Variants in ASB13 observed in about 807,000 individuals in gnomAD.
ASB13 encodes the protein ankyrin repeat and SOCS box containing 13, also known as ankyrin repeat and SOCS box protein 13.
ASB13 carries 33 observed loss-of-function variants against 28.8 expected under a neutral mutation model. The ratio of observed to expected loss-of-function variants is 1.15; its 90% CI spans 0.87 to 1.53. The LOEUF is 1.53. ASB13 is among the 40% of genes most tolerant of loss of function. ASB13 has a pLI of 0.00. For missense variants in ASB13, 414 were observed against 390.1 expected (o/e 1.06, Z -0.52); for synonymous variants, 182 against 172.9 (o/e 1.05, Z -0.41).
chr10:5,659,681 C>T lies in ASB13; in HGVS notation c.44-6631G>A, dbSNP rs1835129280. Among the ~76,000 whole-genome samples, 1 of 151,998 alleles carries T rather than the reference C, an allele frequency of 6.6e-6. No individual in the cohort carries two copies. The highest frequency in any genetic ancestry group is 6.5e-5 in the Admixed American group (1 of 15,270). ...CCCACCCCCCCACGCCATCTCCACA[C>T]TATTGCCCCACCACCAGCTGATCAG... On this transcript the variant is annotated intron_variant, in intron 1 of 5. Transcript: ENST00000357700. The surrounding 1 kb of genome is among the most constrained non-coding windows in gnomAD (Gnocchi z 5.8).
At position 5,640,825 on chromosome 10, in the gene ASB13, G is replaced by A. The variant is rs1196045497; in HGVS notation, c.715C>T (p.Pro239Ser). Residue 239 changes from proline (P) to serine (S), a missense_variant, in exon 6 of 6, where the codon CCT becomes TCT. Physicochemically the swap from Pro to Ser is moderately conservative, Grantham distance 74. Coordinates refer to ENST00000357700, the MANE Select transcript of ASB13 (RefSeq NM_024701.4). ...CTGCAGAGCTGTGACAGAGTCAGAG[G>A]TGTCTCTGAAAAAGGGAGCAAGGAA... is the stretch of plus-strand genomic sequence containing the variant. Reference protein sequence around the residue: ...AKCFEYYEKTPLTLSQLCRVN... With the variant: ...AKCFEYYEKTSLTLSQLCRVN... 1.2e-6 allele frequency: 2 copies of A among 1,614,000 alleles called. No homozygotes were observed. The highest frequency in any genetic ancestry group is 1.6e-4 in the Middle Eastern group (1 of 6,062).
Position 5,642,241 on chromosome 10 carries a change from T to C in ASB13, c.518-280A>G, listed in dbSNP as rs1378248885. Among the ~76,000 whole-genome samples the C allele has an allele frequency of 6.6e-6, 1 of 152,174 alleles. No individual in the cohort carries two copies. The highest frequency in any genetic ancestry group is 1.5e-5 in the Non-Finnish European group (1 of 68,032). On this transcript the variant is annotated intron_variant, in intron 4 of 5. Coordinates refer to ENST00000357700, the MANE Select transcript of ASB13 (RefSeq NM_024701.4). This position sits in a 1 kb window ranked among gnomAD's most constrained non-coding sequence, Gnocchi z 4.1. ...AAGAAAAATAAAACGAAAAATGTCC[T>C]GAGTTAAACAACCGTTCTAATGCCC...
rs1222475218 is a variant in ASB13, at chr10:5,655,491, C to T, written c.44-2441G>A. 6.6e-6 allele frequency among the ~76,000 whole-genome samples: 1 copy of T among 152,208 alleles called. No homozygotes were observed. Among genetic ancestry groups the T allele is most frequent in the African/African-American group, 2.4e-5 (1 of 41,448 alleles). ...ACACTGTCTGTTTGTAGTATTTTTG[C>T]CTCCAATTGTAGCTATCTGTCTTGT... On this transcript the variant is annotated intron_variant, in intron 1 of 5. Transcript: ENST00000357700. This position sits in a 1 kb window ranked among gnomAD's most constrained non-coding sequence, Gnocchi z 6.2.
chr10:5,642,424 G>C lies in ASB13; in HGVS notation c.518-463C>G. 1.1e-6 allele frequency: 1 copy of C among 942,646 alleles called. No homozygotes were observed. The allele number at this position is 942,646 out of a possible 1,614,324, so 58.4% of individuals were successfully genotyped here. A position where few individuals can be genotyped will look rare whatever the true frequency, so the allele number is the denominator to read the frequency against. ...ATACTGGTTGAATGAAAGAATAAAT[G>C]TTCCTTAACAATGCATATTCTTTTA... On this transcript the variant is annotated intron_variant, in intron 4 of 5. Coordinates refer to ENST00000357700, the MANE Select transcript of ASB13 (RefSeq NM_024701.4). The surrounding 1 kb of genome is among the most constrained non-coding windows in gnomAD (Gnocchi z 4.1).
chr10:5,646,870 A>G (rs1423610118), intron 4 of ASB13, among the ~76,000 whole-genome samples: 6 of 152,214 alleles, frequency 3.9e-5, no homozygotes, highest in Non-Finnish European at 7.3e-5. Flanking sequence ...TGTTCATAGA[A>G]ACGGATCCAG....
At chr10:5,666,208 C>T (rs1214842336) in intron 1 of ASB13, among the ~76,000 whole-genome samples, 2 of 152,248 alleles carry the variant, frequency 1.3e-5, no homozygotes, top group African/African-American at 2.4e-5. Context: ...CCCGCACCTT[C>T]CCCAGGGCGC....
chr10:5,641,717 G>A lies in ASB13; in HGVS notation c.709+53C>T. 6.6e-7 allele frequency: 1 copy of A among 1,510,022 alleles called. No homozygotes were observed. The highest frequency in any genetic ancestry group is 2.3e-4 in the Middle Eastern group (1 of 4,334). The allele number at this position is 1,510,022 out of a possible 1,614,324, so 93.5% of individuals were successfully genotyped here. A position where few individuals can be genotyped will look rare whatever the true frequency, so the allele number is the denominator to read the frequency against. On this transcript the variant is annotated intron_variant, in intron 5 of 5. Coordinates refer to ENST00000357700, the MANE Select transcript of ASB13 (RefSeq NM_024701.4). The surrounding 1 kb of genome is among the most constrained non-coding windows in gnomAD (Gnocchi z 8.4). ...AGCCCACAGGGAGCCGGCACGTCAGGGGTCCAGGCTGAAGGCTGGAGGGGA... is the reference window on the plus strand; with the variant it reads ...AGCCCACAGGGAGCCGGCACGTCAGAGGTCCAGGCTGAAGGCTGGAGGGGA...
Position 5,651,275 on chromosome 10 carries a change from T to A in ASB13, c.320A>T (p.Tyr107Phe), listed in dbSNP as rs777518625. ...CAGGGGAGGGTTGACCTTGGCCCCG[T>A]AGGACAGCAAGAGCTTCACACACTC... ...SIECVKLLLS[Y>F]GAKVNPPLYT... Residue 107 changes from tyrosine (Y) to phenylalanine (F), a missense_variant, in exon 3 of 6, where the codon TAC (tyrosine) becomes TTC (phenylalanine). Transcript: ENST00000357700. This position sits in a 1 kb window ranked among gnomAD's most constrained non-coding sequence, Gnocchi z 5.1. 1 of 1,613,990 alleles carries A rather than the reference T, an allele frequency of 6.2e-7. No individual in the cohort carries two copies. The highest frequency in any genetic ancestry group is 8.5e-7 in the Non-Finnish European group (1 of 1,179,968).
chr10:5,656,938 T>G lies in ASB13; in HGVS notation c.44-3888A>C. ...CACTTTAGACACTTATCTACCATCT[T>G]CCTGGTTTGCTGGCTCTCCAGATAA... is the stretch of plus-strand genomic sequence containing the variant. On this transcript the variant is annotated intron_variant, in intron 1 of 5. Coordinates refer to ENST00000357700, the MANE Select transcript of ASB13 (RefSeq NM_024701.4). The surrounding 1 kb of genome is among the most constrained non-coding windows in gnomAD (Gnocchi z 4.3). Among the ~76,000 whole-genome samples the G allele has an allele frequency of 6.6e-6, 1 of 152,210 alleles. No individual in the cohort carries two copies. Among genetic ancestry groups the G allele is most frequent in the East Asian group, 1.9e-4 (1 of 5,204 alleles).
At chr10:5,653,743 G>C (rs1407797751) in intron 1 of ASB13, among the ~76,000 whole-genome samples, 1 of 152,114 alleles carries the variant, frequency 6.6e-6, no homozygotes, top group Non-Finnish European at 1.5e-5. Context: ...GTGCAATGGT[G>C]TGATCTCAGC....
chr10:5,648,550 TCAGGTAAACACCCACG>T (rs1834927995), intron 4 of ASB13, among the ~76,000 whole-genome samples: 1 of 112,930 alleles, frequency 8.9e-6, no homozygotes, highest in African/African-American at 3.5e-5. Context: ...AAACACCCAC[TCAGGTAAACACCCACG>T]CAGGCAAACA....
In ASB13 at chr10:5,661,697, C is replaced by T. The variant is rs1451063359; in HGVS notation, c.43+4812G>A. Among the ~76,000 whole-genome samples, 6 of 152,098 alleles carry T rather than the reference C, an allele frequency of 3.9e-5. No homozygotes were observed. Among genetic ancestry groups the T allele is most frequent in the African/African-American group, 1.4e-4 (6 of 41,404 alleles). ...TATTTTCTGTAGAGACAGGGTTTCA[C>T]CATGTTGCCCAGGCTGGTCTCAAAC... On this transcript the variant is annotated intron_variant, in intron 1 of 5. Transcript: ENST00000357700. This position sits in a 1 kb window ranked among gnomAD's most constrained non-coding sequence, Gnocchi z 4.9.
Position 5,649,217 on chromosome 10 carries a change from C to G in ASB13, c.383-113G>C. ...CCATCCTTGGTGCAGGGCAGGGAAG[C>G]CAGGCAGGCCTGCGTCCCAACCTAG... On this transcript the variant is annotated intron_variant, in intron 3 of 5. Transcript: ENST00000357700. This position sits in a 1 kb window ranked among gnomAD's most constrained non-coding sequence, Gnocchi z 6.4. 6.8e-7 allele frequency: 1 copy of G among 1,460,948 alleles called. No individual in the cohort carries two copies. 90.5% of individuals were successfully genotyped at this position (1,460,948 alleles called of 1,614,324 possible).
Position 5,641,955 on chromosome 10 carries a change from T to A in ASB13, c.524A>T (p.Asn175Ile), listed in dbSNP as rs909250968. The A allele has an allele frequency of 1.9e-6, 3 of 1,602,454 alleles. 1 individual carries two copies. Among genetic ancestry groups the A allele is most frequent in the Admixed American group, 3.3e-5 (2 of 59,846 alleles). The change falls in exon 5 of 6, where the codon AAC (asparagine) becomes ATC (isoleucine). Residue 175 changes from asparagine to isoleucine, a missense_variant. Transcript: ENST00000357700. The surrounding 1 kb of genome is among the most constrained non-coding windows in gnomAD (Gnocchi z 8.4). The part of the protein sequence containing the change: ...CVKVLLNAGA[N>I]VNAAKLHETA... Reference sequence around the variant, plus strand: ...CTCATGAAGCTTTGCCGCATTCACGTTGGCCCCTGGAGGTCAAGAGTGCAG... The same window carrying A: ...CTCATGAAGCTTTGCCGCATTCACGATGGCCCCTGGAGGTCAAGAGTGCAG...
In ASB13 at chr10:5,666,536, C is replaced by T; in HGVS notation, c.16G>A (p.Ala6Thr). MEPRA[A>T]DGCFLGDVGF... Reference sequence around the variant, plus strand: ...ACGTCGCCCAGGAAGCAGCCGTCCGCCGCCCGGGGCTCCATGCGGCTCACC... The same window carrying T: ...ACGTCGCCCAGGAAGCAGCCGTCCGTCGCCCGGGGCTCCATGCGGCTCACC... The change falls in exon 1 of 6, where the codon GCG becomes ACG. Residue 6 changes from alanine to threonine, a missense_variant. Physicochemically the swap from Ala to Thr is moderately conservative, Grantham distance 58 (BLOSUM62 0). Coordinates refer to ENST00000357700, the MANE Select transcript of ASB13 (RefSeq NM_024701.4). The T allele has an allele frequency of 8.0e-7, 1 of 1,245,422 alleles. No individual in the cohort carries two copies. Among genetic ancestry groups the T allele is most frequent in the Non-Finnish European group, 1.0e-6 (1 of 989,558 alleles). 77.1% of individuals were successfully genotyped at this position (1,245,422 alleles called of 1,614,324 possible). A position where few individuals can be genotyped will look rare whatever the true frequency, so the allele number is the denominator to read the frequency against.
intron 1 of ASB13, among the ~76,000 whole-genome samples, chr10:5,654,052 G>A (rs771522862): frequency 6.6e-6 from 1 of 151,638 alleles, no homozygotes; most frequent in Non-Finnish European, 1.5e-5. Context: ...AAAGGGGTGA[G>A]AGCCAACATC....
chr10:5,648,486 T>TCGGGCAAACACCCACG lies in ASB13; in HGVS notation c.517+483_517+484insCGTGGGTGTTTGCCCG, dbSNP rs1564216926. 1.6e-3 allele frequency among the ~76,000 whole-genome samples: 168 copies of TCGGGCAAACACCCACG among 102,924 alleles called. 1 individual carries two copies. The highest frequency in any genetic ancestry group is 2.2e-3 in the Non-Finnish European group (101 of 46,126). The allele number at this position is 102,924 out of a possible 152,430, so 67.5% of individuals were successfully genotyped here. A position where few individuals can be genotyped will look rare whatever the true frequency, so the allele number is the denominator to read the frequency against. On this transcript the variant is annotated intron_variant, in intron 4 of 5. Transcript: ENST00000357700. ...AACACCCACTCAGGTAAACACCCAC[T>TCGGGCAAACACCCACG]CGGGCAAACACCCACTCGGGTAAAC...
intron 1 of ASB13, among the ~76,000 whole-genome samples, chr10:5,662,966 T>C (rs1269276074): frequency 6.6e-6 from 1 of 152,226 alleles, no homozygotes; most frequent in Non-Finnish European, 1.5e-5. Flanking sequence ...TTTTTCTATG[T>C]AGAAACTCCC....
In ASB13 at chr10:5,644,349, C is replaced by T. The variant is rs907309427; in HGVS notation, c.518-2388G>A. On this transcript the variant is annotated intron_variant, in intron 4 of 5. Transcript: ENST00000357700. The surrounding 1 kb of genome is among the most constrained non-coding windows in gnomAD (Gnocchi z 5.1). ...GCTCTACAAAAATTTAAAAATTACC[C>T]GGGGGGCGTGATGGCACACATCTGT... 2.0e-5 allele frequency among the ~76,000 whole-genome samples: 3 copies of T among 151,994 alleles called. No individual in the cohort carries two copies. Among genetic ancestry groups the T allele is most frequent in the Non-Finnish European group, 2.9e-5 (2 of 68,004 alleles).
Sources: allele counts gnomAD v4.1 joint callset (sites outside exome capture counted in the v4.1 genomes callset), GRCh38; gene constraint gnomAD v4.1.1; non-coding constraint Gnocchi (gnomAD v3.1); transcripts MANE v1.5; gene names NCBI Gene and HGNC (gene_info 2026-07-23, HGNC 2026-07-21).